The following TLN2 variants were observed in gnomAD, a reference collection of about 807,000 sequenced individuals.
TLN2 encodes the protein talin 2, also known as talin-2.
TLN2 carries 118 observed loss-of-function variants against 294.7 expected under a neutral mutation model. That is an observed-to-expected ratio of 0.40 (90% CI 0.34 to 0.47). The LOEUF is 0.47. Among genes scored for constraint, TLN2 ranks in the 20% least tolerant of loss-of-function variants. The pLI is 0.84. For synonymous variants in TLN2, 1,431 were observed against 1,304.5 expected (o/e 1.10, Z -2.09); for missense variants, 3,083 against 3,282.2 (o/e 0.94, Z 1.48).
chr15:62,484,060 A>AGCTGCT lies in TLN2; in HGVS notation c.-238+93385_-238+93390dup, dbSNP rs561043517. ...CCTTGCTGCCCCCAGTTTACTGTCC[A>AGCTGCT]GCTGCTGCTGCTGCTTGGGCCTGCA... is the stretch of plus-strand genomic sequence containing the variant. On this transcript the variant is annotated intron_variant, in intron 1 of 58. Transcript: ENST00000636159. 2.6e-5 allele frequency among the ~76,000 whole-genome samples: 4 copies of AGCTGCT among 152,270 alleles called. No homozygotes were observed. In the East Asian group the frequency reaches 5.8e-4, roughly 22 times the overall value.
chr15:62,779,039 C>G (rs951557012), intron 43 of TLN2, among the ~76,000 whole-genome samples: 1 of 152,238 alleles, frequency 6.6e-6, no homozygotes, highest in Admixed American at 6.5e-5. Context: ...TACTATTAGA[C>G]TCACTGTCTG....
At chr15:62,734,950 C>G (rs531776649) in intron 28 of TLN2, among the ~76,000 whole-genome samples, 69 of 152,246 alleles carry the variant, frequency 4.5e-4, no homozygotes, top group Admixed American at 1.1e-3. Context: ...TCACTGGTGC[C>G]GAGAGACCTT....
At chr15:62,632,649 C>G (rs2050020079) in intron 3 of TLN2, among the ~76,000 whole-genome samples, 1 of 152,200 alleles carries the variant, frequency 6.6e-6, no homozygotes, top group Non-Finnish European at 1.5e-5. Flanking sequence ...CTGAAGTAAT[C>G]AGCACAGTAT....
chr15:62,423,936 G>A (rs995042537), intron 1 of TLN2, among the ~76,000 whole-genome samples: 2 of 152,066 alleles, frequency 1.3e-5, no homozygotes, highest in African/African-American at 4.8e-5. Flanking sequence ...GCTTTCATTT[G>A]GTAACTTTCC....
intron 37 of TLN2, among the ~76,000 whole-genome samples, chr15:62,760,691 C>G (rs2062604968): frequency 6.6e-6 from 1 of 152,178 alleles, no homozygotes; most frequent in Non-Finnish European, 1.5e-5. Flanking sequence ...TGTTAGCAGT[C>G]TAGCATGGAT....
At position 62,413,939 on chromosome 15, in the gene TLN2, G is replaced by A. The variant is rs574048434; in HGVS notation, c.-238+23254G>A. On this transcript the variant is annotated intron_variant, in intron 1 of 58. Transcript: ENST00000636159. Reference sequence around the variant, plus strand: ...ATTGAGTTTTGAAGGCAGGAACCAAGCCCTTTATTTATCTGGCAGTCTGAG... The same window carrying A: ...ATTGAGTTTTGAAGGCAGGAACCAAACCCTTTATTTATCTGGCAGTCTGAG... Among the ~76,000 whole-genome samples, 40 of 101,610 alleles carry A rather than the reference G, an allele frequency of 3.9e-4. 4 individuals are homozygous for A. Among genetic ancestry groups the A allele is most frequent in the African/African-American group, 1.3e-3 (39 of 30,898 alleles). The allele number at this position is 101,610 out of a possible 152,430, so 66.7% of individuals were successfully genotyped here. A position where few individuals can be genotyped will look rare whatever the true frequency, so the allele number is the denominator to read the frequency against.
At chr15:62,616,366 G>A (rs1487370775) in intron 2 of TLN2, among the ~76,000 whole-genome samples, 3 of 152,174 alleles carry the variant, frequency 2.0e-5, no homozygotes, top group Non-Finnish European at 2.9e-5. Flanking sequence ...TGGTATTACT[G>A]TCTGGCAAAC....
intron 9 of TLN2, among the ~76,000 whole-genome samples, chr15:62,665,185 C>G (rs1457558472): frequency 6.6e-6 from 1 of 152,006 alleles, no homozygotes; most frequent in African/African-American, 2.4e-5. Context: ...ACCTCAGCCT[C>G]TCAAGTAGCT....
At chr15:62,484,056 G>A (rs1034495015) in intron 1 of TLN2, among the ~76,000 whole-genome samples, 1 of 152,196 alleles carries the variant, frequency 6.6e-6, no homozygotes, top group African/African-American at 2.4e-5. Flanking sequence ...CCAGTTTACT[G>A]TCCAGCTGCT....
chr15:62,633,259 A>G (rs2050081403), intron 3 of TLN2, among the ~76,000 whole-genome samples: 1 of 152,136 alleles, frequency 6.6e-6, no homozygotes, highest in Non-Finnish European at 1.5e-5. Context: ...GCATATGCCT[A>G]TGCCCTTGCC....
chr15:62,649,135 C>T (rs1418160090), intron 4 of TLN2, among the ~76,000 whole-genome samples: 3 of 152,300 alleles, frequency 2.0e-5, no homozygotes, highest in Non-Finnish European at 2.9e-5. Context: ...AGCAACTGCG[C>T]CCCCTGGCTA....
chr15:62,774,686 C>A (rs2063575036), intron 42 of TLN2, among the ~76,000 whole-genome samples: 1 of 152,204 alleles, frequency 6.6e-6, no homozygotes, highest in Non-Finnish European at 1.5e-5. Context: ...CTAGAGAATT[C>A]ATCAGCATGA....
intron 1 of TLN2, among the ~76,000 whole-genome samples, chr15:62,579,901 T>C (rs2044770563): frequency 6.6e-6 from 1 of 152,220 alleles, no homozygotes; most frequent in Non-Finnish European, 1.5e-5. Context: ...AGCATGCACC[T>C]TCCCAGGGTC....
At chr15:62,624,392 A>G (rs1381643200) in intron 3 of TLN2, among the ~76,000 whole-genome samples, 1 of 152,194 alleles carries the variant, frequency 6.6e-6, no homozygotes, top group African/African-American at 2.4e-5. Context: ...ACTGAATCCC[A>G]TCCTAGGTCC....
At chr15:62,473,921 C>G (rs1252654587) in intron 1 of TLN2, among the ~76,000 whole-genome samples, 7 of 152,178 alleles carry the variant, frequency 4.6e-5, no homozygotes, top group Non-Finnish European at 8.8e-5. Flanking sequence ...TGGTGAAAGC[C>G]TGTTTTTACT....
chr15:62,720,291 T>C (rs778363905), intron 25 of TLN2, among the ~76,000 whole-genome samples: 3 of 152,186 alleles, frequency 2.0e-5, no homozygotes, highest in Non-Finnish European at 2.9e-5. Context: ...AAAGATATGA[T>C]CGTTCTTTGT....
At position 62,456,808 on chromosome 15, in the gene TLN2, C is replaced by G. The variant is rs545709726; in HGVS notation, c.-238+66123C>G. Among the ~76,000 whole-genome samples the G allele has an allele frequency of 5.6e-4, 86 of 152,238 alleles. 2 individuals carry two copies. The South Asian group carries it at 0.018, about 32-fold the overall frequency. On this transcript the variant is annotated intron_variant, in intron 1 of 58. Transcript: ENST00000636159. ...GTTTCCTGGGGTTTACTCTTCCATC[C>G]GTTGTCTCACTGCACAGGTTCTCCC...
intron 1 of TLN2, among the ~76,000 whole-genome samples, chr15:62,492,203 G>A (rs534099493): frequency 5.4e-4 from 82 of 152,218 alleles, no homozygotes; most frequent in African/African-American, 1.8e-3. Flanking sequence ...TGTAATCCCA[G>A]CACTTTGGGA....
At position 62,712,165 on chromosome 15, in the gene TLN2, C is replaced by T. The variant is rs148314084; in HGVS notation, c.2634+88C>T. ...ACTTTCCAGATGGGGCATGGTCATC[C>T]GAGTGTGCATTTTTGTTTGCTTAAA... On this transcript the variant is annotated intron_variant, in intron 22 of 58. Coordinates refer to ENST00000636159, the MANE Select transcript of TLN2 (RefSeq NM_015059.3). 1.1e-3 allele frequency: 1,641 copies of T among 1,491,902 alleles called. 11 individuals are homozygous for T. In the African/African-American group the frequency reaches 0.019, roughly 17 times the overall value. 92.4% of individuals were successfully genotyped at this position (1,491,902 alleles called of 1,614,324 possible).
Sources: allele counts gnomAD v4.1 joint callset (sites outside exome capture counted in the v4.1 genomes callset), GRCh38; gene constraint gnomAD v4.1.1; transcripts MANE v1.5; gene names NCBI Gene and HGNC (gene_info 2026-07-23, HGNC 2026-07-21).